EMILIN2: variants seen among roughly 807,000 people sequenced by gnomAD.
The protein encoded by EMILIN2 is EMILIN-2.
Under a neutral mutation model 87.1 loss-of-function variants are expected in EMILIN2, and 71 were observed. That is an observed-to-expected ratio of 0.82 (90% CI 0.67 to 0.99). The LOEUF is 0.99. Among genes scored for constraint, EMILIN2 ranks in the 50% least tolerant of loss-of-function variants. EMILIN2 has a pLI of 0.00. For missense variants in EMILIN2, 1,407 were observed against 1,371.8 expected (o/e 1.03, Z -0.40); for synonymous variants, 581 against 563.4 (o/e 1.03, Z -0.44).
chr18:2,868,850 G>A (rs549631563), intron 2 of EMILIN2, among the ~76,000 whole-genome samples: 1 of 152,276 alleles, frequency 6.6e-6, no homozygotes, highest in African/African-American at 2.4e-5. Flanking sequence ...GGATTTAGCT[G>A]TGAATCCATC....
intron 2 of EMILIN2, among the ~76,000 whole-genome samples, chr18:2,859,844 T>C (rs1001247770): frequency 6.7e-6 from 1 of 150,160 alleles, no homozygotes; most frequent in Non-Finnish European, 1.5e-5. Flanking sequence ...CCCCACTTTA[T>C]GTTTTTGTTT....
chr18:2,887,524 G>T (rs2076808930), intron 3 of EMILIN2, among the ~76,000 whole-genome samples: 1 of 152,024 alleles, frequency 6.6e-6, no homozygotes, highest in African/African-American at 2.4e-5. Context: ...TTGGTTGGAA[G>T]AGCCTGGCAC....
rs370461960 is a variant in EMILIN2 at position 2,885,518 on chromosome 18, T to C, written c.433+379T>C. On this transcript the variant is annotated intron_variant, in intron 3 of 7. Coordinates refer to ENST00000254528, the MANE Select transcript of EMILIN2 (RefSeq NM_032048.3). ...TGAATTTAGGGGGGTTAAAATTGTT[T>C]TTTATTTTTTATTTTTTTGAGATGG... Among the ~76,000 whole-genome samples the C allele has an allele frequency of 1.2e-4, 18 of 152,238 alleles. No individual in the cohort carries two copies. The East Asian group carries it at 2.5e-3, about 21-fold the overall frequency.
At chr18:2,869,550 A>C (rs1228921126) in intron 2 of EMILIN2, among the ~76,000 whole-genome samples, 3 of 152,128 alleles carry the variant, frequency 2.0e-5, no homozygotes, top group Non-Finnish European at 4.4e-5. Context: ...GGCTTCTTTC[A>C]TTGAACAGAA....
At chr18:2,895,510 C>T (rs1021876228) in intron 4 of EMILIN2, among the ~76,000 whole-genome samples, 3 of 152,192 alleles carry the variant, frequency 2.0e-5, no homozygotes, top group African/African-American at 4.8e-5. Context: ...CCCGGCAGGG[C>T]TTGGCTCAGC....
chr18:2,913,158 C>G lies in EMILIN2; in HGVS notation c.2916C>G (p.Val972=). The G allele has an allele frequency of 6.2e-7, 1 of 1,614,028 alleles. No individual in the cohort carries two copies. Among genetic ancestry groups the G allele is most frequent in the South Asian group, 1.1e-5 (1 of 91,074 alleles). Residue 972 remains valine (V), a synonymous_variant, in exon 8 of 8, where the codon GTC becomes GTG. Coordinates refer to ENST00000254528, the MANE Select transcript of EMILIN2 (RefSeq NM_032048.3). ...CCTACGTGGAAGCAGTGCTGTCGGT[C>G]TCCAACGCCAGCGTGGCCCAGCTGC... ...RDAYVEAVLS[V]SNASVAQLHT... is the part of the protein sequence containing the mutation.
chr18:2,887,770 G>A (rs2076810237), intron 3 of EMILIN2, among the ~76,000 whole-genome samples: 1 of 151,416 alleles, frequency 6.6e-6, no homozygotes, highest in Non-Finnish European at 1.5e-5. Flanking sequence ...AACATACCCT[G>A]AATTCACTGT....
chr18:2,906,657 G>A (rs1222494916), intron 4 of EMILIN2, 126 bp from the exon 5 acceptor site: 6 of 736,788 alleles, frequency 8.1e-6, no homozygotes, highest in African/African-American at 1.8e-5. Flanking sequence ...GCCTGACGTC[G>A]CAGGGGTGGC....
At chr18:2,879,038 G>C (rs557487029) in intron 2 of EMILIN2, among the ~76,000 whole-genome samples, 7 of 152,338 alleles carry the variant, frequency 4.6e-5, no homozygotes, top group African/African-American at 1.7e-4. Context: ...CAGCTGGCGA[G>C]ATGGTCCCCT....
chr18:2,907,023 G>C lies in EMILIN2; in HGVS notation c.2600G>C (p.Gly867Ala), dbSNP rs1000043863. ...AGVSGRGLPRGVDGQTGSGTV... is the reference protein window; with the variant it reads ...AGVSGRGLPRAVDGQTGSGTV... ...GTGTCTGGGCGGGGTCTGCCGCGGG[G>C]CGTGGACGGCCAGACCGGGAGCGGC... is the stretch of plus-strand genomic sequence containing the variant. Residue 867 changes from glycine (G) to alanine (A), a missense_variant, in exon 5 of 8, where the codon GGC becomes GCC. Gly to Ala is a moderately conservative substitution (Grantham distance 60). Transcript: ENST00000254528. 9 of 1,311,648 alleles carry C rather than the reference G, an allele frequency of 6.9e-6. No homozygotes were observed. The African/African-American group carries it at 1.4e-4, about 20-fold the overall frequency. 81.3% of individuals were successfully genotyped at this position (1,311,648 alleles called of 1,614,324 possible).
At chr18:2,856,504 C>A (rs2076627945) in intron 2 of EMILIN2, among the ~76,000 whole-genome samples, 1 of 152,166 alleles carries the variant, frequency 6.6e-6, no homozygotes, top group Non-Finnish European at 1.5e-5. Flanking sequence ...TCCTTGAATT[C>A]TTTTAGAAAA....
intron 2 of EMILIN2, among the ~76,000 whole-genome samples, chr18:2,871,225 C>T (rs1339990561): frequency 3.9e-5 from 6 of 152,126 alleles, no homozygotes; most frequent in Admixed American, 3.9e-4. Context: ...TCATTGGGGA[C>T]ATCATCAAAT....
At chr18:2,869,009 C>A (rs2076705866) in intron 2 of EMILIN2, among the ~76,000 whole-genome samples, 1 of 150,864 alleles carries the variant, frequency 6.6e-6, no homozygotes, top group Admixed American at 6.6e-5. Context: ...TGATCCAATA[C>A]CTTTAAAAGA....
rs1485551516 is a variant in EMILIN2 at position 2,892,155 on chromosome 18, G to A, written c.2028G>A (p.Arg676=). 3 of 1,607,846 alleles carry A rather than the reference G, an allele frequency of 1.9e-6. No homozygotes were observed. Among genetic ancestry groups the A allele is most frequent in the Non-Finnish European group, 2.6e-6 (3 of 1,175,894 alleles). ...GTCAGCTGGAGGAGAGGTGGCAGAGGTTGCAGAGCCAGGTCATCTCGGAGC... is the reference window on the plus strand; with the variant it reads ...GTCAGCTGGAGGAGAGGTGGCAGAGATTGCAGAGCCAGGTCATCTCGGAGC... ...CCSQLEERWQ[R]LQSQVISELD... Residue 676 remains arginine, a synonymous_variant, in exon 4 of 8, where the codon AGG becomes AGA. Coordinates refer to ENST00000254528, the MANE Select transcript of EMILIN2 (RefSeq NM_032048.3).
chr18:2,871,497 C>T (rs143527128), intron 2 of EMILIN2, among the ~76,000 whole-genome samples: 12 of 152,268 alleles, frequency 7.9e-5, no homozygotes, highest in Admixed American at 3.9e-4. Flanking sequence ...ACTGGCAGTC[C>T]GTGCCAGAAT....
upstream of EMILIN2, chr18:2,846,963 G>A: frequency 2.0e-6 from 2 of 1,000,960 alleles, no homozygotes; most frequent in Non-Finnish European, 2.4e-6. This position sits in a 1 kb window ranked among gnomAD's most constrained non-coding sequence, Gnocchi z 5.3. Context: ...GGACCTGTGC[G>A]TCATTGAGGG....
intron 2 of EMILIN2, among the ~76,000 whole-genome samples, chr18:2,861,375 T>G (rs2076660210): frequency 6.6e-6 from 1 of 152,216 alleles, no homozygotes; most frequent in Non-Finnish European, 1.5e-5. Context: ...GGTCTAACAT[T>G]TAAGTCTTTA....
intron 3 of EMILIN2, among the ~76,000 whole-genome samples, chr18:2,888,639 C>G (rs188299705): frequency 6.7e-6 from 1 of 149,224 alleles, no homozygotes; most frequent in Non-Finnish European, 1.5e-5. Context: ...GGCGTGAACC[C>G]AAGAGGCAGA....
intron 3 of EMILIN2, among the ~76,000 whole-genome samples, chr18:2,888,088 C>T (rs1598497550): frequency 6.6e-6 from 1 of 152,280 alleles, no homozygotes; most frequent in East Asian, 1.9e-4. Context: ...TACTGTTGGT[C>T]ACTTAGGTTG....
Sources: allele counts gnomAD v4.1 joint callset (sites outside exome capture counted in the v4.1 genomes callset), GRCh38; gene constraint gnomAD v4.1.1; non-coding constraint Gnocchi (gnomAD v3.1); transcripts MANE v1.5; gene names NCBI Gene and HGNC (gene_info 2026-07-23, HGNC 2026-07-21).